Variants in ASCC3 observed in about 807,000 individuals in gnomAD.
The protein encoded by ASCC3 is activating signal cointegrator 1 complex subunit 3.
ASCC3 carries 158 observed loss-of-function variants against 256.3 expected under a neutral mutation model. That is an observed-to-expected ratio of 0.62 (90% CI 0.54 to 0.70). ASCC3 has a LOEUF of 0.70. Ranked by LOEUF, ASCC3 falls within the 30% of genes least tolerant of loss-of-function variation. The pLI, the probability that ASCC3 is intolerant of heterozygous loss-of-function variation, is 0.00. For missense variants in ASCC3, 2,259 were observed against 2,626.0 expected (o/e 0.86, Z 3.05); for synonymous variants, 948 against 883.4 (o/e 1.07, Z -1.30).
At chr6:100,743,318 T>C (rs747080154) in intron 10 of ASCC3, among the ~76,000 whole-genome samples, 2 of 152,206 alleles carry the variant, frequency 1.3e-5, no homozygotes, top group Non-Finnish European at 2.9e-5. Context: ...GGTGCTATTA[T>C]CACTTGCCCC....
Position 100,608,118 on chromosome 6 carries a change from C to CATATATATGTATATATATG in ASCC3, c.4786-1031_4786-1030insCATATATATACATATATAT, listed in dbSNP as rs1773044100. On this transcript the variant is annotated intron_variant, in intron 30 of 41. Coordinates refer to ENST00000369162, the MANE Select transcript of ASCC3 (RefSeq NM_006828.4). ...TATACACATATATATGTATATATAT[C>CATATATATGTATATATATG]TATATATACATATATATGTATATAT... Among the ~76,000 whole-genome samples, 138 of 23,356 alleles carry CATATATATGTATATATATG rather than the reference C, an allele frequency of 5.9e-3. 10 individuals carry two copies. In the Admixed American group the frequency reaches 0.067, roughly 11 times the overall value. 15.3% of individuals were successfully genotyped at this position (23,356 alleles called of 152,430 possible). A position where few individuals can be genotyped will look rare whatever the true frequency, so the allele number is the denominator to read the frequency against.
intron 1 of ASCC3, among the ~76,000 whole-genome samples, chr6:100,868,446 G>A (rs1277839159): frequency 6.6e-6 from 1 of 152,026 alleles, no homozygotes. Flanking sequence ...CTTGATGTTC[G>A]TATAGCTGGC....
At chr6:100,683,056 A>G (rs866259406) in intron 13 of ASCC3, among the ~76,000 whole-genome samples, 3 of 152,184 alleles carry the variant, frequency 2.0e-5, no homozygotes, top group Non-Finnish European at 4.4e-5. Context: ...TCTGAAGCTG[A>G]AAGAGGATTA....
intron 36 of ASCC3, among the ~76,000 whole-genome samples, chr6:100,585,665 A>G (rs1411692812): frequency 6.6e-6 from 1 of 152,058 alleles, no homozygotes; most frequent in African/African-American, 2.4e-5. Context: ...TCTGCTTTTT[A>G]GAGTTTCCAG....
intron 13 of ASCC3, among the ~76,000 whole-genome samples, chr6:100,693,509 A>C (rs1004477832): frequency 7.2e-5 from 11 of 152,192 alleles, no homozygotes; most frequent in Admixed American, 6.5e-4. Context: ...GAGGAATCAC[A>C]GTTGTTCAAT....
intron 36 of ASCC3, among the ~76,000 whole-genome samples, chr6:100,581,769 A>C (rs867118595): frequency 0.034 from 5,133 of 151,752 alleles, 259 homozygotes; most frequent in African/African-American, 0.12. Flanking sequence ...TATAAGGTGT[A>C]AGGAAGGGAT....
chr6:100,631,825 A>G (rs1246686516), intron 25 of ASCC3, among the ~76,000 whole-genome samples: 1 of 151,986 alleles, frequency 6.6e-6, no homozygotes, highest in Non-Finnish European at 1.5e-5. Flanking sequence ...TTTAGAGTAG[A>G]GCTCTACTGT....
chr6:100,875,869 A>C lies in ASCC3; in HGVS notation c.-42+5192T>G, dbSNP rs1026242662. 5.3e-5 allele frequency among the ~76,000 whole-genome samples: 8 copies of C among 151,426 alleles called. No individual in the cohort carries two copies. In the East Asian group the frequency reaches 7.7e-4, roughly 15 times the overall value. On this transcript the variant is annotated intron_variant, in intron 1 of 41. Coordinates refer to ENST00000369162, the MANE Select transcript of ASCC3 (RefSeq NM_006828.4). ...GGGAGAAAATAGGGAAAAAACAAAC[A>C]AACAAACAAAAAACCCTACAAATGG...
chr6:100,879,479 A>G (rs1222600986), intron 1 of ASCC3, among the ~76,000 whole-genome samples: 1 of 152,268 alleles, frequency 6.6e-6, no homozygotes, highest in South Asian at 2.1e-4. Flanking sequence ...GCTAGCTAAG[A>G]CAAAATTCTT....
chr6:100,696,191 T>C (rs1052787776), intron 13 of ASCC3, among the ~76,000 whole-genome samples: 4 of 152,190 alleles, frequency 2.6e-5, no homozygotes, highest in East Asian at 1.9e-4. Context: ...ATATTAAATA[T>C]AGACACATAA....
At chr6:100,619,372 C>T (rs1773831433) in intron 30 of ASCC3, among the ~76,000 whole-genome samples, 1 of 152,070 alleles carries the variant, frequency 6.6e-6, no homozygotes, top group Non-Finnish European at 1.5e-5. Flanking sequence ...GAAACTTATC[C>T]TGATGAAGAA....
rs544264816 is a variant in ASCC3 at position 100,763,948 on chromosome 6, A to G, written c.1737+2617T>C. Among the ~76,000 whole-genome samples, 8 of 141,514 alleles carry G rather than the reference A, an allele frequency of 5.7e-5. No individual in the cohort carries two copies. The South Asian group carries it at 1.5e-3, about 27-fold the overall frequency. The allele number at this position is 141,514 out of a possible 152,430, so 92.8% of individuals were successfully genotyped here. On this transcript the variant is annotated intron_variant, in intron 10 of 41. Coordinates refer to ENST00000369162, the MANE Select transcript of ASCC3 (RefSeq NM_006828.4). ...CCAGAGTCTGCAGGACAGACTAGGC[A>G]TAAGTCTAAGTAGATTTTTTTGGTT...
chr6:100,818,748 C>CAGAAAAAAAAA (rs1770888214), intron 4 of ASCC3, among the ~76,000 whole-genome samples: 1 of 58,108 alleles, frequency 1.7e-5, no homozygotes, highest in Non-Finnish European at 2.8e-5. Flanking sequence ...AGGCAAAAGC[C>CAGAAAAAAAAA]AAAAAAAAAA....
intron 36 of ASCC3, among the ~76,000 whole-genome samples, chr6:100,557,434 T>C (rs1327908343): frequency 6.6e-6 from 1 of 152,180 alleles, no homozygotes; most frequent in Non-Finnish European, 1.5e-5. Flanking sequence ...TTGATTTTAG[T>C]ATGGATATGT....
chr6:100,805,064 C>T (rs895300807), intron 5 of ASCC3, among the ~76,000 whole-genome samples: 2 of 152,036 alleles, frequency 1.3e-5, no homozygotes, highest in South Asian at 2.1e-4. Context: ...TGGAACACTA[C>T]GTAGCCATAA....
At chr6:100,774,799 T>A (rs1243428423) in intron 8 of ASCC3, among the ~76,000 whole-genome samples, 1 of 152,160 alleles carries the variant, frequency 6.6e-6, no homozygotes, top group South Asian at 2.1e-4. Flanking sequence ...CTACCACACC[T>A]GGCCCTAGTT....
intron 39 of ASCC3, among the ~76,000 whole-genome samples, chr6:100,514,935 C>T (rs1048322543): frequency 5.3e-5 from 8 of 152,160 alleles, no homozygotes; most frequent in South Asian, 2.1e-4. Context: ...TACCTGGGAT[C>T]GCCTCACTGC....
At position 100,725,793 on chromosome 6, in the gene ASCC3, C is replaced by T. The variant is rs1190981519; in HGVS notation, c.1738-90G>A. The T allele has an allele frequency of 1.0e-5, 14 of 1,356,152 alleles. No individual in the cohort carries two copies. The East Asian group carries it at 3.0e-4, about 29-fold the overall frequency. The allele number at this position is 1,356,152 out of a possible 1,614,324, so 84.0% of individuals were successfully genotyped here. Reference sequence around the variant, plus strand: ...ACTCAGAAAGAAATATTTTGGCCACCTCTACATAAATCAAATAAAAAGTGT... The same window carrying T: ...ACTCAGAAAGAAATATTTTGGCCACTTCTACATAAATCAAATAAAAAGTGT... On this transcript the variant is annotated intron_variant, in intron 10 of 41. Coordinates refer to ENST00000369162, the MANE Select transcript of ASCC3 (RefSeq NM_006828.4).
chr6:100,643,757 A>C (rs1775243856), intron 23 of ASCC3, among the ~76,000 whole-genome samples: 1 of 152,090 alleles, frequency 6.6e-6, no homozygotes, highest in South Asian at 2.1e-4. Flanking sequence ...TTATGGGACC[A>C]CTATTGTACT....
Sources: gnomAD v4.1 joint callset for allele counts (sites outside exome capture counted in the v4.1 genomes callset) on GRCh38, gnomAD v4.1.1 for gene constraint, MANE v1.5 for transcripts, NCBI Gene and HGNC (gene_info 2026-07-23, HGNC 2026-07-21) for gene names.